The following XYLT1 variants were observed in gnomAD, a reference collection of about 807,000 sequenced individuals.
XYLT1 encodes xylosyltransferase 1.
XYLT1 carries 36 observed loss-of-function variants against 91.3 expected under a neutral mutation model. The ratio of observed to expected loss-of-function variants is 0.39; its 90% CI spans 0.30 to 0.52. The LOEUF (loss-of-function observed/expected upper bound fraction) is 0.52. Ranked by LOEUF, XYLT1 falls within the 20% of genes least tolerant of loss-of-function variation. The pLI is 0.68. For missense variants in XYLT1, 1,242 were observed against 1,284.5 expected, an observed-to-expected ratio of 0.97 and a Z score of 0.51; for synonymous variants, 588 against 532.0, an observed-to-expected ratio of 1.11 and a Z score of -1.45.
rs185650638 is a variant in XYLT1, at chr16:17,438,298, T to C, written c.363+32136A>G. Among the ~76,000 whole-genome samples, 141 of 152,302 alleles carry C rather than the reference T, an allele frequency of 9.3e-4. 1 individual carries two copies. The highest frequency in any genetic ancestry group is 3.4e-3 in the Middle Eastern group (1 of 294). ...TGGCTGACCCAACCCATAGCATTTT[T>C]ATAGCCATTATTTCATTCAATATGG... On this transcript the variant is annotated intron_variant, in intron 1 of 11. Transcript: ENST00000261381.
intron 2 of XYLT1, among the ~76,000 whole-genome samples, chr16:17,295,655 C>T: frequency 6.6e-6 from 1 of 152,178 alleles, no homozygotes; most frequent in South Asian, 2.1e-4. Context: ...CACACCCGAC[C>T]CAAGAGCTAT....
intron 2 of XYLT1, among the ~76,000 whole-genome samples, chr16:17,319,967 C>T (rs969767475): frequency 2.0e-5 from 3 of 152,168 alleles, no homozygotes; most frequent in South Asian, 4.1e-4. Flanking sequence ...CCAGGCAGTT[C>T]GCATGCTCTT....
intron 1 of XYLT1, among the ~76,000 whole-genome samples, chr16:17,364,711 T>C (rs941311399): frequency 3.3e-5 from 5 of 152,200 alleles, no homozygotes; most frequent in Non-Finnish European, 4.4e-5. Flanking sequence ...CCCCATTTTA[T>C]AGATCAGATA....
At chr16:17,187,204 C>T (rs1023735692) in intron 5 of XYLT1, among the ~76,000 whole-genome samples, 7 of 151,564 alleles carry the variant, frequency 4.6e-5, no homozygotes, top group Admixed American at 1.3e-4. Context: ...CCAGCCTGGC[C>T]AACAAGGCAA....
At chr16:17,219,498 ATCGAG>A (rs2032924770) in intron 3 of XYLT1, among the ~76,000 whole-genome samples, 1 of 152,076 alleles carries the variant, frequency 6.6e-6, no homozygotes, top group South Asian at 2.1e-4. Context: ...GCTTGTATTA[ATCGAG>A]TCAAGTTCCC....
intron 5 of XYLT1, among the ~76,000 whole-genome samples, chr16:17,164,743 A>C (rs2031638438): frequency 2.0e-5 from 3 of 152,128 alleles, no homozygotes; most frequent in African/African-American, 7.2e-5. Context: ...CTCATGTACC[A>C]CCTGTATGTT....
intron 3 of XYLT1, among the ~76,000 whole-genome samples, chr16:17,245,969 CTG>C (rs1236672601): frequency 6.6e-6 from 1 of 152,212 alleles, no homozygotes; most frequent in Non-Finnish European, 1.5e-5. Flanking sequence ...AATTATCTGA[CTG>C]TGTGGGTGGG....
chr16:17,238,009 A>G (rs187488332), intron 3 of XYLT1, among the ~76,000 whole-genome samples: 1 of 152,276 alleles, frequency 6.6e-6, no homozygotes, highest in Admixed American at 6.5e-5. Flanking sequence ...TTCACTTAGC[A>G]TCCTTTCGGT....
rs1597136982 is a variant in XYLT1, at chr16:17,127,531, C to A, written c.2223+135G>T. 34 of 1,101,440 alleles carry A rather than the reference C, an allele frequency of 3.1e-5. No homozygotes were observed. In the East Asian group the frequency reaches 8.2e-4, roughly 27 times the overall value. The allele number at this position is 1,101,440 out of a possible 1,614,324, so 68.2% of individuals were successfully genotyped here. On this transcript the variant is annotated intron_variant, in intron 10 of 11. Transcript: ENST00000261381. ...GGGGCCGGAGAACCTTCTTCGGGCA[C>A]AGGGTTAGCTTATCTTTAGGGATCT... is the stretch of plus-strand genomic sequence containing the variant.
chr16:17,199,158 C>A (rs2141588020), intron 4 of XYLT1, among the ~76,000 whole-genome samples: 1 of 152,266 alleles, frequency 6.6e-6, no homozygotes, highest in South Asian at 2.1e-4. Flanking sequence ...TTTTCTGTCC[C>A]CACTCCTACT....
intron 1 of XYLT1, among the ~76,000 whole-genome samples, chr16:17,410,111 C>T (rs768655750): frequency 8.5e-5 from 13 of 152,146 alleles, no homozygotes; most frequent in African/African-American, 2.9e-4. Context: ...AATCCTTGAC[C>T]GCTGCTGGCT....
intron 3 of XYLT1, among the ~76,000 whole-genome samples, chr16:17,224,390 A>C (rs1037126898): frequency 6.6e-6 from 1 of 152,138 alleles, no homozygotes; most frequent in South Asian, 2.1e-4. Context: ...ATGCCTAATC[A>C]CCCTTTGGGG....
chr16:17,412,278 G>C (rs1186585873), intron 1 of XYLT1, among the ~76,000 whole-genome samples: 2 of 151,862 alleles, frequency 1.3e-5, no homozygotes, highest in Non-Finnish European at 2.9e-5. Flanking sequence ...CGAGAAACTA[G>C]GTGAATAGCA....
rs1182193359 is a variant in XYLT1, at chr16:17,397,647, T to TGAGAAAA, written c.364-39604_364-39598dup. On this transcript the variant is annotated intron_variant, in intron 1 of 11. Coordinates refer to ENST00000261381, the MANE Select transcript of XYLT1 (RefSeq NM_022166.4). ...GCCAACCCAGGCAGACAAGGCAAGC[T>TGAGAAAA]GAGAAAACTAAAGTTCAGAGAGGTC... is the stretch of plus-strand genomic sequence containing the variant. Among the ~76,000 whole-genome samples the TGAGAAAA allele has an allele frequency of 7.3e-5, 11 of 151,616 alleles. 1 individual carries two copies. The highest frequency in any genetic ancestry group is 7.2e-4 in the Admixed American group (11 of 15,248).
intron 7 of XYLT1, chr16:17,138,808 T>TTCTC (rs1198116641): frequency 3.0e-6 from 1 of 332,042 alleles, no homozygotes; most frequent in Non-Finnish European, 5.7e-6. Flanking sequence ...GACTCTTATG[T>TTCTC]TCTCTGCATG....
intron 2 of XYLT1, among the ~76,000 whole-genome samples, chr16:17,331,010 C>A (rs1317215404): frequency 1.3e-5 from 2 of 152,200 alleles, no homozygotes; most frequent in Non-Finnish European, 2.9e-5. Context: ...CACCGCCCTG[C>A]ACAAAGGGAG....
intron 2 of XYLT1, among the ~76,000 whole-genome samples, chr16:17,269,808 T>TTATTATTATTATTA (rs1408472533): frequency 6.7e-6 from 1 of 149,518 alleles, no homozygotes; most frequent in Non-Finnish European, 1.5e-5. Flanking sequence ...ATTATTATTA[T>TTATTATTATTATTA]TATTATTATT....
rs2033934850 is a variant in XYLT1, at chr16:17,273,996, C to T, written c.403-14498G>A. Among the ~76,000 whole-genome samples the T allele has an allele frequency of 2.6e-5, 4 of 151,904 alleles. No homozygotes were observed. The South Asian group carries it at 8.3e-4, about 32-fold the overall frequency. On this transcript the variant is annotated intron_variant, in intron 2 of 11. Transcript: ENST00000261381. ...GCATGATCTCGGCTCACTGCAACCT[C>T]TGCCTCCCGGGTTCAAGTGATTCTC...
At chr16:17,152,826 T>C (rs1443886269) in intron 6 of XYLT1, among the ~76,000 whole-genome samples, 1 of 152,254 alleles carries the variant, frequency 6.6e-6, no homozygotes, top group Non-Finnish European at 1.5e-5. Flanking sequence ...GGCTTTCTTA[T>C]ATTTGAAATG....
Sources: allele counts gnomAD v4.1 joint callset (sites outside exome capture counted in the v4.1 genomes callset), GRCh38; gene constraint gnomAD v4.1.1; transcripts MANE v1.5; gene names NCBI Gene and HGNC (gene_info 2026-07-23, HGNC 2026-07-21).